The following GMDS variants were observed in gnomAD, a reference collection of about 807,000 sequenced individuals.
GMDS encodes GDP-mannose 4,6-dehydratase, also known as GDP-mannose 4,6 dehydratase.
In GMDS, 20 loss-of-function variants were observed where a neutral mutation model predicts 49.9. That is an observed-to-expected ratio of 0.40 (90% confidence interval 0.28 to 0.58). The LOEUF is 0.58. GMDS is among the 20% of genes least tolerant of loss of function. GMDS has a pLI of 0.42. For synonymous variants in GMDS, 177 were observed against 178.6 expected (o/e 0.99, Z 0.07); for missense variants, 362 against 481.4 (o/e 0.75, Z 2.32).
intron 7 of GMDS, among the ~76,000 whole-genome samples, chr6:1,863,770 T>C (rs1178904134): frequency 6.6e-6 from 1 of 152,222 alleles, no homozygotes; most frequent in African/African-American, 2.4e-5. Context: ...ACTTTATCAT[T>C]ATTGCAAAGC....
chr6:1,805,550 C>T (rs1024035554), intron 7 of GMDS, among the ~76,000 whole-genome samples: 1 of 152,148 alleles, frequency 6.6e-6, no homozygotes, highest in African/African-American at 2.4e-5. Context: ...AACCATACTT[C>T]TTTGGCATCC....
chr6:1,698,089 G>A (rs957046909), intron 9 of GMDS, among the ~76,000 whole-genome samples: 1 of 152,150 alleles, frequency 6.6e-6, no homozygotes, highest in African/African-American at 2.4e-5. Context: ...GAGGAGCGCC[G>A]CCCAGCCTCC....
At chr6:1,725,032 A>C (rs1766524390) in intron 9 of GMDS, among the ~76,000 whole-genome samples, 1 of 152,220 alleles carries the variant, frequency 6.6e-6, no homozygotes, top group African/African-American at 2.4e-5. Flanking sequence ...GTAAATGATG[A>C]CCGATTCACT....
Position 1,640,161 on chromosome 6 carries a change from C to T in GMDS, c.988-15621G>A, listed in dbSNP as rs1044174807. On this transcript the variant is annotated intron_variant, in intron 9 of 10. Transcript: ENST00000380815. This position sits in a 1 kb window ranked among gnomAD's most constrained non-coding sequence, Gnocchi z 4.0. ...GATGTACCAGTCCATGGCACCAGCTCGGCAGCACTGTTGCCCAAGGCTCCC... is the reference window on the plus strand; with the variant it reads ...GATGTACCAGTCCATGGCACCAGCTTGGCAGCACTGTTGCCCAAGGCTCCC... 6.6e-5 allele frequency among the ~76,000 whole-genome samples: 10 copies of T among 152,174 alleles called. No individual in the cohort carries two copies. Among genetic ancestry groups the T allele is most frequent in the African/African-American group, 9.7e-5 (4 of 41,436 alleles).
At chr6:1,630,578 C>G (rs535660667) in intron 9 of GMDS, among the ~76,000 whole-genome samples, 1 of 152,334 alleles carries the variant, frequency 6.6e-6, no homozygotes, top group East Asian at 1.9e-4. Context: ...TCAGAGGCTG[C>G]GCTGGGAAGC....
chr6:2,208,926 C>T (rs1003099278), intron 1 of GMDS, among the ~76,000 whole-genome samples: 5 of 151,368 alleles, frequency 3.3e-5, no homozygotes, highest in Admixed American at 3.3e-4. Context: ...ACGTGTCTGA[C>T]CCAAGCTGTC....
intron 7 of GMDS, among the ~76,000 whole-genome samples, chr6:1,898,843 C>T (rs1307128938): frequency 6.6e-6 from 1 of 152,174 alleles, no homozygotes; most frequent in Non-Finnish European, 1.5e-5. Flanking sequence ...GAAAGTGTGC[C>T]AGTGGCTGGG....
intron 9 of GMDS, among the ~76,000 whole-genome samples, chr6:1,720,152 C>T (rs765466388): frequency 2.9e-4 from 44 of 151,890 alleles, no homozygotes; most frequent in Admixed American, 3.3e-4. Context: ...AAAGAAACTT[C>T]AAGGAAAAAA....
intron 7 of GMDS, among the ~76,000 whole-genome samples, chr6:1,872,686 C>T (rs540049724): frequency 7.9e-5 from 12 of 152,386 alleles, no homozygotes; most frequent in African/African-American, 2.4e-4. Flanking sequence ...AAGCAATTAG[C>T]TAACTCGGTC....
chr6:1,917,249 A>C (rs1761451985), intron 7 of GMDS, among the ~76,000 whole-genome samples: 1 of 152,240 alleles, frequency 6.6e-6, no homozygotes, highest in Non-Finnish European at 1.5e-5. Context: ...AAGAATGACT[A>C]AATATACCAA....
chr6:1,667,694 A>ATTT lies in GMDS; in HGVS notation c.988-43157_988-43155dup, dbSNP rs3839497. Among the ~76,000 whole-genome samples the ATTT allele has an allele frequency of 2.9e-3, 417 of 145,348 alleles. 3 individuals are homozygous for ATTT. Among genetic ancestry groups the ATTT allele is most frequent in the African/African-American group, 9.8e-3 (383 of 39,084 alleles). Reference sequence around the variant, plus strand: ...GGCAACATGGAATGGGCACTTTTGTATTTTTTTTTCTTTTTTTTTTGGTCT... The same window carrying ATTT: ...GGCAACATGGAATGGGCACTTTTGTATTTTTTTTTTTTCTTTTTTTTTTGGTCT... On this transcript the variant is annotated intron_variant, in intron 9 of 10. Transcript: ENST00000380815.
chr6:2,098,597 G>A (rs60898782), intron 4 of GMDS, among the ~76,000 whole-genome samples: 27,011 of 152,038 alleles, frequency 0.18, 2,865 homozygotes, highest in Middle Eastern at 0.22. Flanking sequence ...AGCAAACCCT[G>A]CACTGAACTG....
chr6:1,807,831 G>T (rs1357017858), intron 7 of GMDS, among the ~76,000 whole-genome samples: 1 of 151,960 alleles, frequency 6.6e-6, no homozygotes, highest in Non-Finnish European at 1.5e-5. Flanking sequence ...ATAATCATAA[G>T]GATTAAGGCA....
chr6:2,054,623 T>TAA (rs1440073346), intron 4 of GMDS, among the ~76,000 whole-genome samples: 1 of 152,112 alleles, frequency 6.6e-6, no homozygotes, highest in African/African-American at 2.4e-5. Context: ...ATTCTGTGTA[T>TAA]AAACTCTGCC....
chr6:1,724,349 G>C (rs915580126), intron 9 of GMDS, among the ~76,000 whole-genome samples: 2 of 152,188 alleles, frequency 1.3e-5, no homozygotes, highest in Admixed American at 1.3e-4. Context: ...GGGATGCGGC[G>C]TCGGTCACGG....
chr6:1,723,636 A>T (rs1259626109), intron 9 of GMDS, among the ~76,000 whole-genome samples: 3 of 151,798 alleles, frequency 2.0e-5, no homozygotes, highest in South Asian at 2.1e-4. Flanking sequence ...GATTCTAAGA[A>T]GACATAGTTA....
At chr6:1,795,578 G>A (rs1184967356) in intron 7 of GMDS, among the ~76,000 whole-genome samples, 1 of 151,898 alleles carries the variant, frequency 6.6e-6, no homozygotes, top group Non-Finnish European at 1.5e-5. Context: ...AAACATTACA[G>A]ATTTTAAAAT....
chr6:2,145,057 A>T lies in GMDS; in HGVS notation c.103-20326T>A, dbSNP rs1481434675. On this transcript the variant is annotated intron_variant, in intron 1 of 10. Transcript: ENST00000380815. ...GTCTCTGGGGCCAGGGTCCTGGGAC[A>T]GCACTAAAGATGAGGATGGAGACGC... Among the ~76,000 whole-genome samples, 10 of 152,370 alleles carry T rather than the reference A, an allele frequency of 6.6e-5. No individual in the cohort carries two copies. In the East Asian group the frequency reaches 1.9e-3, roughly 29 times the overall value.
At position 2,212,871 on chromosome 6, in the gene GMDS, A is replaced by T. The variant is rs1780138300; in HGVS notation, c.102+32450T>A. ...AGCTTAAAAGGGCAGTATTTTCTGA[A>T]TGGTTACTCCTGTAAAAAATAATCA... On this transcript the variant is annotated intron_variant, in intron 1 of 10. Coordinates refer to ENST00000380815, the MANE Select transcript of GMDS (RefSeq NM_001500.4). 3.3e-5 allele frequency among the ~76,000 whole-genome samples: 5 copies of T among 152,292 alleles called. No individual in the cohort carries two copies. The South Asian group carries it at 1.0e-3, about 32-fold the overall frequency.
Sources: allele counts gnomAD v4.1 joint callset (sites outside exome capture counted in the v4.1 genomes callset), GRCh38; gene constraint gnomAD v4.1.1; non-coding constraint Gnocchi (gnomAD v3.1); transcripts MANE v1.5; gene names NCBI Gene and HGNC (gene_info 2026-07-23, HGNC 2026-07-21).